CTNNA3: variants seen among roughly 807,000 people sequenced by gnomAD.
The protein encoded by CTNNA3 is catenin alpha 3, also known as catenin alpha-3.
Under a neutral mutation model 95.7 loss-of-function variants are expected in CTNNA3, and 76 were observed. The ratio of observed to expected loss-of-function variants is 0.79; its 90% CI spans 0.66 to 0.96. The LOEUF is 0.96. CTNNA3 is among the 40% of genes least tolerant of loss of function. The pLI is 0.00. For missense variants in CTNNA3, 1,191 were observed against 1,089.8 expected (o/e 1.09, Z -1.31); for synonymous variants, 431 against 374.4 (o/e 1.15, Z -1.74).
intron 7 of CTNNA3, among the ~76,000 whole-genome samples, chr10:66,870,410 C>T (rs1007332672): frequency 2.0e-5 from 3 of 152,110 alleles, no homozygotes; most frequent in African/African-American, 7.2e-5. Context: ...ATACATTATC[C>T]TACACAATCT....
At chr10:67,399,273 C>T (rs535890986) in intron 5 of CTNNA3, among the ~76,000 whole-genome samples, 101 of 152,138 alleles carry the variant, frequency 6.6e-4, no homozygotes, top group African/African-American at 2.3e-3. Flanking sequence ...CAACTATAAA[C>T]GAATTTGTTA....
Position 67,345,175 on chromosome 10 carries a change from T to C in CTNNA3, c.580-125305A>G, listed in dbSNP as rs1037222891. Among the ~76,000 whole-genome samples, 26 of 152,162 alleles carry C rather than the reference T, an allele frequency of 1.7e-4. 1 individual carries two copies. Among genetic ancestry groups the C allele is most frequent in the African/African-American group, 6.3e-4 (26 of 41,452 alleles). The stretch of plus-strand genomic sequence containing the variant: ...TTCCAAAATTCCTCCTGTTATTGGT[T>C]TGTAGTTTTATTTCTTGTGGTCAGA... On this transcript the variant is annotated intron_variant, in intron 5 of 17. Transcript: ENST00000433211.
intron 17 of CTNNA3, among the ~76,000 whole-genome samples, chr10:65,961,055 T>G (rs2077831534): frequency 6.6e-6 from 1 of 152,192 alleles, no homozygotes; most frequent in Non-Finnish European, 1.5e-5. Flanking sequence ...GTTGTAGTCT[T>G]AATTTTTCAC....
intron 3 of CTNNA3, among the ~76,000 whole-genome samples, chr10:67,550,145 A>G (rs1840973323): frequency 6.6e-6 from 1 of 152,204 alleles, no homozygotes; most frequent in Non-Finnish European, 1.5e-5. Context: ...TGAAAATCCC[A>G]GACAACATAA....
chr10:67,505,984 A>G (rs1193548192), intron 5 of CTNNA3, among the ~76,000 whole-genome samples: 1 of 152,224 alleles, frequency 6.6e-6, no homozygotes. Flanking sequence ...ACAAGTTCAT[A>G]TTGTGGCATC....
At chr10:67,050,177 T>C (rs1017497613) in intron 7 of CTNNA3, among the ~76,000 whole-genome samples, 9 of 152,246 alleles carry the variant, frequency 5.9e-5, no homozygotes, top group African/African-American at 2.2e-4. Flanking sequence ...GCAGAATGCA[T>C]GTAGAACATG....
At chr10:66,260,610 A>G (rs920564541) in intron 13 of CTNNA3, among the ~76,000 whole-genome samples, 2 of 152,086 alleles carry the variant, frequency 1.3e-5, no homozygotes, top group African/African-American at 4.8e-5. Flanking sequence ...ATTAATTCCT[A>G]TGTCTTACCT....
chr10:66,611,874 C>G (rs550630054), intron 10 of CTNNA3, among the ~76,000 whole-genome samples: 19 of 152,108 alleles, frequency 1.2e-4, no homozygotes, highest in African/African-American at 4.3e-4. Context: ...TTATTTTGCT[C>G]TTTAGCAATC....
intron 10 of CTNNA3, among the ~76,000 whole-genome samples, chr10:66,620,591 G>T (rs1388746769): frequency 6.6e-6 from 1 of 152,116 alleles, no homozygotes; most frequent in Non-Finnish European, 1.5e-5. Context: ...GTGTTGATGG[G>T]AGTATATTTC....
chr10:66,830,648 T>C (rs7914707), intron 7 of CTNNA3, among the ~76,000 whole-genome samples: 132,861 of 151,236 alleles, frequency 0.88, 58,740 homozygotes, highest in African/African-American at 0.97. Context: ...CTAGCTCTGT[T>C]GCCCAGGCTG....
At chr10:66,152,881 G>A (rs953469216) in intron 13 of CTNNA3, among the ~76,000 whole-genome samples, 4 of 151,818 alleles carry the variant, frequency 2.6e-5, no homozygotes, top group Non-Finnish European at 5.9e-5. Flanking sequence ...GTAAGTCATC[G>A]TTCAGTTTGA....
chr10:66,702,873 C>A (rs1418326131), intron 9 of CTNNA3, among the ~76,000 whole-genome samples: 1 of 152,024 alleles, frequency 6.6e-6, no homozygotes, highest in African/African-American at 2.4e-5. Context: ...GCCCGTCACA[C>A]ATTTTTACCT....
At position 67,318,354 on chromosome 10, in the gene CTNNA3, G is replaced by T. The variant is rs79438054; in HGVS notation, c.580-98484C>A. Among the ~76,000 whole-genome samples the T allele has an allele frequency of 5.4e-3, 829 of 152,244 alleles. 13 individuals carry two copies. Among genetic ancestry groups the T allele is most frequent in the African/African-American group, 0.019 (798 of 41,532 alleles). Reference sequence around the variant, plus strand: ...CTGAAGATCATGTGACCTTAAGCAAGCTACCTGTCATCACTTAGGGCTTAG... The same window carrying T: ...CTGAAGATCATGTGACCTTAAGCAATCTACCTGTCATCACTTAGGGCTTAG... On this transcript the variant is annotated intron_variant, in intron 5 of 17. Coordinates refer to ENST00000433211, the MANE Select transcript of CTNNA3 (RefSeq NM_013266.4).
chr10:66,045,682 G>T (rs4745883), intron 15 of CTNNA3, among the ~76,000 whole-genome samples: 50,782 of 151,922 alleles, frequency 0.33, 8,490 homozygotes, highest in South Asian at 0.42. Flanking sequence ...TATTGTGGTA[G>T]AAATTCAAAG....
chr10:66,934,605 A>C (rs1221463788), intron 7 of CTNNA3, among the ~76,000 whole-genome samples: 1 of 152,166 alleles, frequency 6.6e-6, no homozygotes, highest in Non-Finnish European at 1.5e-5. Context: ...CAGTCTTACA[A>C]AGTATTAAAG....
intron 7 of CTNNA3, among the ~76,000 whole-genome samples, chr10:66,808,404 AT>A (rs1841741593): frequency 6.6e-6 from 1 of 152,190 alleles, no homozygotes; most frequent in African/African-American, 2.4e-5. Flanking sequence ...ATATCTGACC[AT>A]ACTCAGTGTT....
chr10:66,704,204 G>A (rs1046212032), intron 9 of CTNNA3, among the ~76,000 whole-genome samples: 27 of 151,974 alleles, frequency 1.8e-4, no homozygotes, highest in Non-Finnish European at 1.8e-4. Context: ...AACTTCAACA[G>A]TTTATCCTTC....
At chr10:66,039,249 CACAA>C (rs532256961) in intron 15 of CTNNA3, among the ~76,000 whole-genome samples, 61 of 152,272 alleles carry the variant, frequency 4.0e-4, no homozygotes, top group African/African-American at 1.4e-3. Flanking sequence ...TCACAGATGA[CACAA>C]ACAAATAGAA....
chr10:66,308,983 T>C (rs772604584), intron 12 of CTNNA3, among the ~76,000 whole-genome samples: 1 of 152,210 alleles, frequency 6.6e-6, no homozygotes, highest in Non-Finnish European at 1.5e-5. Flanking sequence ...TTGCTTAATA[T>C]GCTATTTCAG....
Sources: gnomAD v4.1 joint callset for allele counts (sites outside exome capture counted in the v4.1 genomes callset) on GRCh38, gnomAD v4.1.1 for gene constraint, MANE v1.5 for transcripts, NCBI Gene and HGNC (gene_info 2026-07-23, HGNC 2026-07-21) for gene names.